The following SELENOF variants were observed in gnomAD, a reference collection of about 807,000 sequenced individuals.
SELENOF encodes selenoprotein F, also known as 15 kDa selenoprotein.
Under a neutral mutation model 20.5 loss-of-function variants are expected in SELENOF, and 16 were observed. The observed-to-expected ratio is 0.78, with a 90% CI of 0.53 to 1.19. SELENOF has a LOEUF of 1.19. Among genes scored for constraint, SELENOF ranks in the 50% most tolerant of loss-of-function variants. The pLI is 0.00. For synonymous variants in SELENOF, 78 were observed against 74.5 expected (o/e 1.05, Z -0.24); for missense variants, 215 against 194.2 (o/e 1.11, Z -0.64).
chr1:86,887,417 T>C (rs1057440588), intron 2 of SELENOF, among the ~76,000 whole-genome samples: 2 of 152,208 alleles, frequency 1.3e-5, no homozygotes, highest in African/African-American at 4.8e-5. Flanking sequence ...TTTTTGTATC[T>C]TTAGTTTCTG....
At position 86,893,011 on chromosome 1, in the gene SELENOF, G is replaced by A. The variant is rs1393181290; in HGVS notation, c.252+10270C>T. Among the ~76,000 whole-genome samples, 5 of 152,226 alleles carry A rather than the reference G, an allele frequency of 3.3e-5. No individual in the cohort carries two copies. In the East Asian group the frequency reaches 9.6e-4, roughly 29 times the overall value. On this transcript the variant is annotated intron_variant, in intron 2 of 4. Transcript: ENST00000331835. ...AAAATAAAAGGTAAAATAGCACAGA[G>A]GTTTAAAAACCTGGGGGCTCTAGAA...
At chr1:86,889,621 C>CA (rs1659325356) in intron 2 of SELENOF, among the ~76,000 whole-genome samples, 1 of 151,882 alleles carries the variant, frequency 6.6e-6, no homozygotes, top group Non-Finnish European at 1.5e-5. Context: ...ACAACAACAA[C>CA]AAAAAAACTA....
chr1:86,903,173 A>C (rs1365263453), intron 2 of SELENOF, 108 bp downstream of exon 2: 1 of 963,976 alleles, frequency 1.0e-6, no homozygotes, highest in Non-Finnish European at 1.5e-6. Flanking sequence ...TTACTAAAAA[A>C]TGTAAAAGCT....
intron 4 of SELENOF, among the ~76,000 whole-genome samples, chr1:86,867,364 G>T (rs1658626729): frequency 6.6e-6 from 1 of 151,956 alleles, no homozygotes; most frequent in South Asian, 2.1e-4. Context: ...ATGGTGGCGT[G>T]CTCCTGTAAT....
rs147720575 is a variant in SELENOF at position 86,910,431 on chromosome 1, C to T, written c.84+3597G>A. The stretch of plus-strand genomic sequence containing the variant: ...CTCAAAAGGTTTCAGTCTGGCTGGG[C>T]GCGGTGGCTCACGCCTGTAATCCCA... On this transcript the variant is annotated intron_variant, in intron 1 of 4. Transcript: ENST00000331835. Among the ~76,000 whole-genome samples the T allele has an allele frequency of 6.7e-3, 1,013 of 152,136 alleles. 7 individuals carry two copies. The highest frequency in any genetic ancestry group is 8.2e-3 in the Non-Finnish European group (559 of 67,988).
chr1:86,864,760 C>T (rs915275818), intron 4 of SELENOF, among the ~76,000 whole-genome samples: 3 of 151,814 alleles, frequency 2.0e-5, no homozygotes, highest in Non-Finnish European at 4.4e-5. Context: ...CCTCAGCCTC[C>T]CGAGTAGCTG....
chr1:86,889,189 T>G (rs1389185175), intron 2 of SELENOF, among the ~76,000 whole-genome samples: 1 of 152,238 alleles, frequency 6.6e-6, no homozygotes, highest in Non-Finnish European at 1.5e-5. Flanking sequence ...TGCTTTACTC[T>G]GTCAATATAC....
chr1:86,882,247 CAAAA>C (rs61037512), intron 2 of SELENOF, among the ~76,000 whole-genome samples: 1,422 of 61,742 alleles, frequency 0.023, 7 homozygotes, highest in African/African-American at 0.065. Context: ...GACTCTGTCT[CAAAA>C]AAAAAAAAAA....
At chr1:86,863,700 G>A (rs1658519821) in intron 4 of SELENOF, 95 bp from the exon 5 acceptor site, 1 of 1,130,232 alleles carries the variant, frequency 8.8e-7, no homozygotes, top group Non-Finnish European at 1.2e-6. Context: ...TTTAAATTTA[G>A]TAATTAAAAA....
At chr1:86,904,950 C>T (rs1659794032) in intron 1 of SELENOF, among the ~76,000 whole-genome samples, 2 of 152,312 alleles carry the variant, frequency 1.3e-5, no homozygotes, top group South Asian at 4.1e-4. Context: ...TGAAAACTCT[C>T]AAGTATTTTT....
intron 2 of SELENOF, among the ~76,000 whole-genome samples, chr1:86,891,895 G>C (rs1197998849): frequency 1.3e-5 from 2 of 151,650 alleles, no homozygotes; most frequent in Non-Finnish European, 2.9e-5. Context: ...ATGAATGTTA[G>C]TGGTTATTAT....
At position 86,882,244 on chromosome 1, in the gene SELENOF, T is replaced by A. The variant is rs550904548; in HGVS notation, c.253-1519A>T. On this transcript the variant is annotated intron_variant, in intron 2 of 4. Coordinates refer to ENST00000331835, the MANE Select transcript of SELENOF (RefSeq NM_004261.5). ...AGCCTGGCAGCAGAGCAAGACTCTG[T>A]CTCAAAAAAAAAAAAAAAAAAAAAA... 4.8e-3 allele frequency among the ~76,000 whole-genome samples: 406 copies of A among 84,438 alleles called. 3 individuals carry two copies. The highest frequency in any genetic ancestry group is 0.021 in the African/African-American group (370 of 17,960). 55.4% of individuals were successfully genotyped at this position (84,438 alleles called of 152,430 possible). A position where few individuals can be genotyped will look rare whatever the true frequency, so the allele number is the denominator to read the frequency against.
intron 2 of SELENOF, among the ~76,000 whole-genome samples, chr1:86,884,975 T>C (rs1215207369): frequency 4.6e-5 from 7 of 152,244 alleles, no homozygotes; most frequent in Non-Finnish European, 1.0e-4. Context: ...TATGGTTCTC[T>C]GGGTGGGGGA....
chr1:86,864,315 T>C (rs141834787), intron 4 of SELENOF, among the ~76,000 whole-genome samples: 73 of 152,346 alleles, frequency 4.8e-4, no homozygotes, highest in African/African-American at 1.7e-3. Flanking sequence ...CAGAGAGCTC[T>C]GAGAAATTCT....
intron 2 of SELENOF, among the ~76,000 whole-genome samples, chr1:86,899,334 G>C (rs1288066314): frequency 7.4e-4 from 103 of 138,444 alleles, no homozygotes; most frequent in Non-Finnish European, 9.8e-4. Context: ...GCCGGGCAGA[G>C]GGGCTCCTCA....
intron 2 of SELENOF, among the ~76,000 whole-genome samples, chr1:86,898,763 TTTTTGTTTG>T (rs1465744215): frequency 2.8e-5 from 4 of 142,598 alleles, no homozygotes; most frequent in Middle Eastern, 3.4e-3. Context: ...TTGTATTTTT[TTTTTGTTTG>T]TTTGTTTTTT....
At chr1:86,864,481 G>A (rs900039363) in intron 4 of SELENOF, among the ~76,000 whole-genome samples, 2 of 152,176 alleles carry the variant, frequency 1.3e-5, no homozygotes, top group Non-Finnish European at 2.9e-5. Flanking sequence ...AGTTTATCTA[G>A]GGTATTCTGG....
At chr1:86,864,447 G>A (rs1369104750) in intron 4 of SELENOF, among the ~76,000 whole-genome samples, 1 of 152,152 alleles carries the variant, frequency 6.6e-6, no homozygotes, top group African/African-American at 2.4e-5. Flanking sequence ...AGAGTTCTTA[G>A]AACTTCTTCC....
intron 2 of SELENOF, among the ~76,000 whole-genome samples, chr1:86,886,579 A>T (rs1170122755): frequency 6.6e-6 from 1 of 152,148 alleles, no homozygotes; most frequent in African/African-American, 2.4e-5. Context: ...TAAAACCTGT[A>T]ATTAAACTTG....
Sources: gnomAD v4.1 joint callset for allele counts (sites outside exome capture counted in the v4.1 genomes callset) on GRCh38, gnomAD v4.1.1 for gene constraint, MANE v1.5 for transcripts, NCBI Gene and HGNC (gene_info 2026-07-23, HGNC 2026-07-21) for gene names.